The following TRIM37 variants were observed in gnomAD, a reference collection of about 807,000 sequenced individuals.
TRIM37 encodes the protein E3 ubiquitin-protein ligase TRIM37.
A neutral mutation model predicts 129.8 loss-of-function variants in TRIM37; 80 were observed. The ratio of observed to expected loss-of-function variants is 0.62; its 90% CI spans 0.51 to 0.74. The LOEUF (loss-of-function observed/expected upper bound fraction) is 0.74. TRIM37 is among the 30% of genes least tolerant of loss of function. TRIM37 has a pLI of 0.00. For missense variants in TRIM37, 1,054 were observed against 1,176.5 expected, an observed-to-expected ratio of 0.90 and a Z score of 1.52; for synonymous variants, 389 against 387.1, an observed-to-expected ratio of 1.00 and a Z score of -0.06.
intron 19 of TRIM37, among the ~76,000 whole-genome samples, chr17:59,022,681 C>G (rs531030490): frequency 1.3e-5 from 2 of 152,252 alleles, no homozygotes; most frequent in Non-Finnish European, 2.9e-5. Flanking sequence ...GTCTGGCACA[C>G]AGTTAACACT....
At chr17:59,052,600 T>C (rs1184386011) in intron 13 of TRIM37, among the ~76,000 whole-genome samples, 1 of 152,128 alleles carries the variant, frequency 6.6e-6, no homozygotes, top group Admixed American at 6.6e-5. Context: ...AGGTCAGAAG[T>C]TTTTGGGCAT....
At chr17:59,035,825 T>C (rs573567704) in intron 17 of TRIM37, among the ~76,000 whole-genome samples, 5 of 152,076 alleles carry the variant, frequency 3.3e-5, no homozygotes, top group African/African-American at 1.2e-4. Flanking sequence ...AAAAACCTCA[T>C]AAAAAGACAG....
chr17:59,094,659 AC>A, intron 2 of TRIM37, among the ~76,000 whole-genome samples: 1 of 152,296 alleles, frequency 6.6e-6, no homozygotes, highest in South Asian at 2.1e-4. Flanking sequence ...TTCAATTACT[AC>A]TGGATGTGAG....
rs147136507 is a variant in TRIM37 at position 59,004,885 on chromosome 17, C to T, written c.2696-3171G>A. Among the ~76,000 whole-genome samples the T allele has an allele frequency of 4.3e-3, 651 of 152,232 alleles. 1 individual carries two copies. The highest frequency in any genetic ancestry group is 0.015 in the African/African-American group (624 of 41,530). On this transcript the variant is annotated intron_variant, in intron 22 of 23. Transcript: ENST00000262294. ...AAGAGTTTGGTTAGCATTATTTCAG[C>T]CTTAAATATTTAGAAATCGTCTCCA...
At chr17:59,036,443 T>TGGGG (rs552802145) in intron 17 of TRIM37, among the ~76,000 whole-genome samples, 11 of 126,984 alleles carry the variant, frequency 8.7e-5, no homozygotes, top group African/African-American at 3.2e-4. Flanking sequence ...TTGTATTTGC[T>TGGGG]GGGGGTGTGT....
At chr17:59,006,124 C>T (rs1411551042) in intron 22 of TRIM37, among the ~76,000 whole-genome samples, 1 of 152,088 alleles carries the variant, frequency 6.6e-6, no homozygotes, top group South Asian at 2.1e-4. Context: ...AAAAAACACA[C>T]ATTTCCCAAG....
chr17:59,106,305 G>A (rs530069813), intron 1 of TRIM37, 136 bp downstream of exon 1: 2 of 1,025,248 alleles, frequency 2.0e-6, no homozygotes, highest in Admixed American at 2.0e-5. Context: ...CCTTGGTACC[G>A]GGCCAGCCCT....
At chr17:59,104,186 CA>C in intron 2 of TRIM37, 106 bp downstream of exon 2, 1 of 1,054,092 alleles carries the variant, frequency 9.5e-7, no homozygotes, top group Non-Finnish European at 1.4e-6. Flanking sequence ...ACAGTGCAAG[CA>C]AGCACTTTAG....
At chr17:59,041,772 G>C in intron 17 of TRIM37, 41 bp downstream of exon 17, 1 of 1,452,482 alleles carries the variant, frequency 6.9e-7, no homozygotes, top group Non-Finnish European at 9.7e-7. Context: ...AGAGCAGAGA[G>C]AAAACAGAAT....
At chr17:59,016,936 G>A (rs1413460481) in intron 20 of TRIM37, among the ~76,000 whole-genome samples, 1 of 152,142 alleles carries the variant, frequency 6.6e-6, no homozygotes, top group Non-Finnish European at 1.5e-5. Flanking sequence ...AGCACTTTGG[G>A]AGGTTGAGGC....
chr17:59,102,404 T>A (rs1221458707), intron 2 of TRIM37, among the ~76,000 whole-genome samples: 1 of 152,186 alleles, frequency 6.6e-6, no homozygotes, highest in Non-Finnish European at 1.5e-5. Flanking sequence ...ACCACTTAAT[T>A]AACTATAACG....
chr17:58,987,518 C>T (rs1435880483), intron 24 of TRIM37, among the ~76,000 whole-genome samples: 3 of 152,182 alleles, frequency 2.0e-5, no homozygotes, highest in Non-Finnish European at 2.9e-5. Flanking sequence ...GAGAGCAGCC[C>T]GTACTACTGA....
At position 59,026,663 on chromosome 17, in the gene TRIM37, T is replaced by C. The variant is rs139860712; in HGVS notation, c.2257+1752A>G. ...GGACACCCCTGCCAACAAGAAACTA[T>C]TGACCCCGCACCTCCTCCAGCTTCT... On this transcript the variant is annotated intron_variant, in intron 19 of 23. Coordinates refer to ENST00000262294, the MANE Select transcript of TRIM37 (RefSeq NM_015294.6). Among the ~76,000 whole-genome samples, 192 of 152,300 alleles carry C rather than the reference T, an allele frequency of 1.3e-3. 2 individuals carry two copies. The Middle Eastern group carries it at 0.017, about 13-fold the overall frequency.
rs58159558 is a variant in TRIM37, at chr17:59,020,230, C to CA, written c.2258-2807dup. Among the ~76,000 whole-genome samples, 59 of 32,058 alleles carry CA rather than the reference C, an allele frequency of 1.8e-3. 14 individuals are homozygous for CA. The highest frequency in any genetic ancestry group is 2.4e-3 in the Admixed American group (4 of 1,662). 21.0% of individuals were successfully genotyped at this position (32,058 alleles called of 152,430 possible). On this transcript the variant is annotated intron_variant, in intron 19 of 23. Coordinates refer to ENST00000262294, the MANE Select transcript of TRIM37 (RefSeq NM_015294.6). ...TGGTGGACAGAGCGAGACTCTGTCTCAAAAAAAAAAAAAAAAAAAAAAAAA... is the reference window on the plus strand; with the variant it reads ...TGGTGGACAGAGCGAGACTCTGTCTCAAAAAAAAAAAAAAAAAAAAAAAAAA...
In TRIM37 at chr17:59,031,903, C is replaced by G; in HGVS notation, c.1941G>C (p.Gln647His). Residue 647 changes from glutamine to histidine, a missense_variant, in exon 18 of 24, where the codon CAG (glutamine) becomes CAC (histidine). This residue lies in a region of TRIM37 where 752 missense variants were observed against 870.8 expected (regional missense o/e 0.86). Transcript: ENST00000262294. ...LQPRPPASLL[Q>H]PTASYSRKDK... ...TCATTGTTATTATTTTACCTGTGGG[C>G]TGCAGAAGTGAAGCAGGTGGGCGAG... 1 of 1,613,976 alleles carries G rather than the reference C, an allele frequency of 6.2e-7. No individual in the cohort carries two copies. Among genetic ancestry groups the G allele is most frequent in the African/African-American group, 1.3e-5 (1 of 75,036 alleles).
At chr17:59,003,332 G>A (rs1036018767) in intron 22 of TRIM37, among the ~76,000 whole-genome samples, 9 of 152,110 alleles carry the variant, frequency 5.9e-5, no homozygotes, top group Admixed American at 2.0e-4. Flanking sequence ...GCCTAATTTC[G>A]GTTTGGGATT....
At chr17:59,090,306 C>T (rs1164452150) in intron 3 of TRIM37, among the ~76,000 whole-genome samples, 2 of 151,790 alleles carry the variant, frequency 1.3e-5, no homozygotes, top group Non-Finnish European at 2.9e-5. Context: ...AGATATCTAC[C>T]ATATTTTACA....
downstream of TRIM37, chr17:58,980,770 T>G: frequency 6.2e-7 from 1 of 1,614,144 alleles, no homozygotes; most frequent in Non-Finnish European, 8.5e-7. This position sits in a 1 kb window ranked among gnomAD's most constrained non-coding sequence, Gnocchi z 4.7. Context: ...GATTGTCTCA[T>G]TTACGCCACC....
intron 17 of TRIM37, among the ~76,000 whole-genome samples, chr17:59,033,985 T>C (rs1334909822): frequency 1.3e-5 from 2 of 151,518 alleles, no homozygotes; most frequent in Admixed American, 6.6e-5. Context: ...CAGGCACCTG[T>C]AATCCCAGCT....
Sources: allele counts gnomAD v4.1 joint callset (sites outside exome capture counted in the v4.1 genomes callset), GRCh38; gene constraint gnomAD v4.1.1; regional missense constraint gnomAD v4.1.1; non-coding constraint Gnocchi (gnomAD v3.1); transcripts MANE v1.5; gene names NCBI Gene and HGNC (gene_info 2026-07-23, HGNC 2026-07-21).